The following EYS variants were observed in gnomAD, a reference collection of about 807,000 sequenced individuals.
EYS encodes the protein EGF-like photoreceptor maintenance factor.
EYS carries 250 observed loss-of-function variants against 282.1 expected under a neutral mutation model. The ratio of observed to expected loss-of-function variants is 0.89; its 90% confidence interval spans 0.80 to 0.98. EYS has a LOEUF of 0.98. Ranked by LOEUF, EYS falls within the 50% of genes least tolerant of loss-of-function variation. EYS has a pLI of 0.00. For missense variants in EYS, 4,016 were observed against 3,709.0 expected, an observed-to-expected ratio of 1.08 and a Z score of -2.15; for synonymous variants, 1,355 against 1,282.9, an observed-to-expected ratio of 1.06 and a Z score of -1.20.
chr6:65,145,136 T>C (rs1181934631), intron 12 of EYS, among the ~76,000 whole-genome samples: 1 of 151,988 alleles, frequency 6.6e-6, no homozygotes, highest in Non-Finnish European at 1.5e-5. Context: ...TATTTTTTAT[T>C]ACACAGAAAA....
intron 42 of EYS, among the ~76,000 whole-genome samples, chr6:63,723,014 A>G (rs918348024): frequency 3.3e-5 from 5 of 152,236 alleles, no homozygotes; most frequent in African/African-American, 1.2e-4. Flanking sequence ...TTGGTCCAAC[A>G]GTTGATTCCC....
intron 12 of EYS, among the ~76,000 whole-genome samples, chr6:65,251,324 C>T (rs866726795): frequency 5.3e-5 from 8 of 151,140 alleles, no homozygotes; most frequent in South Asian, 2.1e-4. Context: ...GTTTGATCAA[C>T]GTATGTAAAA....
In EYS at chr6:64,440,444, T is replaced by G. The variant is rs148272882; in HGVS notation, c.5645-1092A>C. ...AGTGCCAGGAAGCATTTGCACTTTA[T>G]AGACATAAAAGCATGAGTATATGTG... On this transcript the variant is annotated intron_variant, in intron 26 of 42. Coordinates refer to ENST00000503581, the MANE Select transcript of EYS (RefSeq NM_001142800.2). Among the ~76,000 whole-genome samples the G allele has an allele frequency of 2.0e-3, 307 of 152,190 alleles. 1 individual carries two copies. Among genetic ancestry groups the G allele is most frequent in the Non-Finnish European group, 3.4e-3 (234 of 67,924 alleles).
intron 31 of EYS, among the ~76,000 whole-genome samples, chr6:64,213,893 C>G (rs1233584234): frequency 6.6e-6 from 1 of 152,100 alleles, no homozygotes; most frequent in Non-Finnish European, 1.5e-5. Flanking sequence ...GTTCAAACAT[C>G]TGAACAATGG....
At chr6:64,105,495 C>T (rs1772979700) in intron 31 of EYS, among the ~76,000 whole-genome samples, 1 of 152,112 alleles carries the variant, frequency 6.6e-6, no homozygotes, top group African/African-American at 2.4e-5. Context: ...TGGTATTGTA[C>T]ATTCTATGGG....
At chr6:64,333,622 G>A (rs1246345622) in intron 29 of EYS, among the ~76,000 whole-genome samples, 1 of 152,136 alleles carries the variant, frequency 6.6e-6, no homozygotes, top group Non-Finnish European at 1.5e-5. Context: ...GACTAAAATG[G>A]ATAAGGGCTA....
intron 19 of EYS, among the ~76,000 whole-genome samples, chr6:64,845,529 C>CTCTG (rs917532739): frequency 1.3e-5 from 2 of 150,002 alleles, no homozygotes; most frequent in Non-Finnish European, 3.0e-5. Flanking sequence ...AAAATAATCT[C>CTCTG]TCTCTCTCTC....
intron 12 of EYS, among the ~76,000 whole-genome samples, chr6:65,287,489 A>G (rs928871864): frequency 2.0e-5 from 3 of 151,548 alleles, no homozygotes; most frequent in African/African-American, 7.2e-5. Context: ...TTGCCAGATC[A>G]CTAATTAAAT....
intron 22 of EYS, among the ~76,000 whole-genome samples, chr6:64,796,384 A>G (rs1774354930): frequency 6.6e-6 from 1 of 152,202 alleles, no homozygotes; most frequent in East Asian, 1.9e-4. Context: ...ACTTCCAGGA[A>G]GAAAAGACCA....
intron 29 of EYS, among the ~76,000 whole-genome samples, chr6:64,381,310 T>C (rs1285065204): frequency 1.3e-5 from 2 of 152,172 alleles, no homozygotes; most frequent in South Asian, 2.1e-4. Flanking sequence ...TGGTTATCCC[T>C]GTACTGATTT....
intron 32 of EYS, among the ~76,000 whole-genome samples, chr6:64,069,640 G>A (rs953620295): frequency 6.6e-6 from 1 of 152,048 alleles, no homozygotes; most frequent in African/African-American, 2.4e-5. Context: ...TATATGGATA[G>A]ATAGGTAGAA....
At chr6:65,415,582 C>T (rs553604540) in intron 5 of EYS, among the ~76,000 whole-genome samples, 4 of 152,022 alleles carry the variant, frequency 2.6e-5, no homozygotes, top group African/African-American at 4.8e-5. Flanking sequence ...GGAATCCCGC[C>T]CACCGGTAAA....
chr6:65,690,332 C>T (rs1769195191), intron 1 of EYS, among the ~76,000 whole-genome samples: 1 of 149,936 alleles, frequency 6.7e-6, no homozygotes, highest in Non-Finnish European at 1.5e-5. Flanking sequence ...CCTAAACAGA[C>T]CTAGAAGACC....
chr6:64,983,500 G>GT (rs1213749351), intron 14 of EYS, among the ~76,000 whole-genome samples: 1 of 151,148 alleles, frequency 6.6e-6, no homozygotes, highest in Non-Finnish European at 1.5e-5. Context: ...TACTTTTGAT[G>GT]TTTCCACTCA....
rs1334274899 is a variant in EYS at position 64,625,334 on chromosome 6, T to C, written c.3568+787A>G. On this transcript the variant is annotated intron_variant, in intron 23 of 42. Coordinates refer to ENST00000503581, the MANE Select transcript of EYS (RefSeq NM_001142800.2). ...TTAATGAGCAGTTTTCTTAATCCAT[T>C]CAAGACTGCTATAACAAAAATACCA... Among the ~76,000 whole-genome samples the C allele has an allele frequency of 2.0e-5, 3 of 152,146 alleles. No individual in the cohort carries two copies. In the East Asian group the frequency reaches 5.8e-4, roughly 29 times the overall value.
At chr6:64,613,210 A>G (rs536479505) in intron 24 of EYS, among the ~76,000 whole-genome samples, 10 of 152,144 alleles carry the variant, frequency 6.6e-5, no homozygotes, top group Non-Finnish European at 1.0e-4. Flanking sequence ...TGACTTTTGA[A>G]CAATCCCATA....
chr6:64,096,833 T>A (rs958982987), intron 31 of EYS, among the ~76,000 whole-genome samples: 1 of 152,196 alleles, frequency 6.6e-6, no homozygotes, highest in Non-Finnish European at 1.5e-5. Flanking sequence ...CTGCTCTGGT[T>A]TTTAGAGTTT....
chr6:64,555,762 C>T (rs1765215168), intron 26 of EYS, among the ~76,000 whole-genome samples: 1 of 151,824 alleles, frequency 6.6e-6, no homozygotes, highest in African/African-American at 2.4e-5. Context: ...TTAAATCACA[C>T]ATTACATGAA....
In EYS at chr6:64,317,323, A is replaced by T. The variant is rs1399573353; in HGVS notation, c.6079-10241T>A. Among the ~76,000 whole-genome samples the T allele has an allele frequency of 2.6e-5, 4 of 150,960 alleles. No homozygotes were observed. The East Asian group carries it at 7.7e-4, about 29-fold the overall frequency. Reference sequence around the variant, plus strand: ...GGGCTAAAATTCAGAATCTACAAAGAACTTAAATTTACAAGAAAAAAAAAA... The same window carrying T: ...GGGCTAAAATTCAGAATCTACAAAGTACTTAAATTTACAAGAAAAAAAAAA... On this transcript the variant is annotated intron_variant, in intron 29 of 42. Coordinates refer to ENST00000503581, the MANE Select transcript of EYS (RefSeq NM_001142800.2).
Sources: allele counts gnomAD v4.1 joint callset (sites outside exome capture counted in the v4.1 genomes callset), GRCh38; gene constraint gnomAD v4.1.1; transcripts MANE v1.5; gene names NCBI Gene and HGNC (gene_info 2026-07-23, HGNC 2026-07-21).